TCF4: variants seen among roughly 807,000 people sequenced by gnomAD.
The protein encoded by TCF4 is transcription factor 4, also known as SL3-3 enhancer factor 2.
In TCF4, 3 loss-of-function variants were observed where a neutral mutation model predicts 82.1. The observed-to-expected ratio is 0.04, with a 90% CI of 0.02 to 0.09. The LOEUF is 0.09. Ranked by LOEUF, TCF4 falls within the 10% of genes least tolerant of loss-of-function variation. TCF4 has a pLI of 1.00. For missense variants in TCF4, 518 were observed against 852.7 expected, an observed-to-expected ratio of 0.61 and a Z score of 4.89; for synonymous variants, 276 against 309.6, an observed-to-expected ratio of 0.89 and a Z score of 1.14.
chr18:55,303,351 A>G (rs1037278659), intron 8 of TCF4, among the ~76,000 whole-genome samples: 1 of 151,872 alleles, frequency 6.6e-6, no homozygotes, highest in Non-Finnish European at 1.5e-5. Context: ...TCCCTCCTGA[A>G]AGTTTATATG....
intron 8 of TCF4, among the ~76,000 whole-genome samples, chr18:55,324,331 G>A (rs1476845717): frequency 6.6e-6 from 1 of 152,178 alleles, no homozygotes; most frequent in Non-Finnish European, 1.5e-5. Flanking sequence ...TTGGTTTGCT[G>A]ACCTTGGAGT....
At chr18:55,422,361 C>T (rs2094803735) in intron 5 of TCF4, 1 of 983,980 alleles carries the variant, frequency 1.0e-6, no homozygotes, top group South Asian at 4.7e-5. Flanking sequence ...TTACTATGTA[C>T]ATTTAAATAG....
chr18:55,249,849 G>A (rs986719754), intron 15 of TCF4, among the ~76,000 whole-genome samples: 1 of 152,142 alleles, frequency 6.6e-6, no homozygotes, highest in Non-Finnish European at 1.5e-5. Flanking sequence ...GTTTGATGTG[G>A]GTTTTGTTCT....
At chr18:55,238,471 C>T (rs2050212049) in intron 15 of TCF4, among the ~76,000 whole-genome samples, 1 of 152,166 alleles carries the variant, frequency 6.6e-6, no homozygotes, top group Non-Finnish European at 1.5e-5. Context: ...TGAGAAATAA[C>T]TCAGATGTGG....
intron 5 of TCF4, among the ~76,000 whole-genome samples, chr18:55,448,012 G>A (rs1240423021): frequency 7.4e-6 from 1 of 134,632 alleles, no homozygotes; most frequent in African/African-American, 2.7e-5. Context: ...ATATGGGGGG[G>A]GAGGTGGCTT....
intron 2 of TCF4, among the ~76,000 whole-genome samples, chr18:55,616,727 G>A (rs1272860170): frequency 6.6e-6 from 1 of 151,834 alleles, no homozygotes; most frequent in Non-Finnish European, 1.5e-5. Flanking sequence ...TCATATACCT[G>A]TTGTCCATTT....
chr18:55,528,300 A>T (rs1319818751), intron 3 of TCF4, among the ~76,000 whole-genome samples: 1 of 152,202 alleles, frequency 6.6e-6, no homozygotes, highest in Non-Finnish European at 1.5e-5. Context: ...GGGGGTAAGA[A>T]AATCAATTTC....
chr18:55,345,112 T>G (rs1257158962), intron 8 of TCF4, among the ~76,000 whole-genome samples: 2 of 152,128 alleles, frequency 1.3e-5, no homozygotes, highest in African/African-American at 4.8e-5. Flanking sequence ...GAATGCCTAA[T>G]AGTATGTATG....
At chr18:55,626,302 G>A (rs2147996250) in intron 2 of TCF4, among the ~76,000 whole-genome samples, 1 of 152,214 alleles carries the variant, frequency 6.6e-6, no homozygotes, top group Non-Finnish European at 1.5e-5. Flanking sequence ...CTTACCTGGA[G>A]GTTTCCTTTA....
At chr18:55,584,718 G>GA (rs995787741) in intron 3 of TCF4, among the ~76,000 whole-genome samples, 111 of 147,980 alleles carry the variant, frequency 7.5e-4, no homozygotes, top group African/African-American at 2.4e-3. Flanking sequence ...AATCGTTAGG[G>GA]AAAAAAAAAC....
At chr18:55,460,091 G>A (rs1246919822) in intron 5 of TCF4, among the ~76,000 whole-genome samples, 1 of 152,050 alleles carries the variant, frequency 6.6e-6, no homozygotes, top group Non-Finnish European at 1.5e-5. Context: ...TTGCAGTTAT[G>A]GTCTCAGAAA....
At chr18:55,323,617 T>G (rs2076080825) in intron 8 of TCF4, among the ~76,000 whole-genome samples, 1 of 152,198 alleles carries the variant, frequency 6.6e-6, no homozygotes, top group Non-Finnish European at 1.5e-5. Context: ...CTTTGAGGAT[T>G]TTTTCCTCAT....
intron 8 of TCF4, among the ~76,000 whole-genome samples, chr18:55,318,031 A>C (rs2074573456): frequency 6.6e-6 from 1 of 152,142 alleles, no homozygotes; most frequent in African/African-American, 2.4e-5. Context: ...CAAAAAGAGC[A>C]ATTACAATAA....
At chr18:55,419,208 A>G (rs1331549346) in intron 5 of TCF4, among the ~76,000 whole-genome samples, 2 of 152,206 alleles carry the variant, frequency 1.3e-5, no homozygotes, top group African/African-American at 2.4e-5. Flanking sequence ...AACTTTAATA[A>G]TGTGGACAGA....
rs528788298 is a variant in TCF4 at position 55,624,279 on chromosome 18, C to T, written c.286+7019G>A. ...ATCATTGTATTTGAAGAGACCTCCA[C>T]GAAGAATCAGCAGTTTTTACTGCAA... is the stretch of plus-strand genomic sequence containing the variant. On this transcript the variant is annotated intron_variant, in intron 2 of 20. Coordinates refer to the TCF4 transcript ENST00000398339. Among the ~76,000 whole-genome samples, 33 of 151,828 alleles carry T rather than the reference C, an allele frequency of 2.2e-4. No individual in the cohort carries two copies. The South Asian group carries it at 2.7e-3, about 12-fold the overall frequency.
At chr18:55,370,347 G>A (rs931290071) in intron 6 of TCF4, among the ~76,000 whole-genome samples, 8 of 151,998 alleles carry the variant, frequency 5.3e-5, no homozygotes, top group East Asian at 1.9e-4. Context: ...TCAAGGGGAC[G>A]GTAAGCTCTG....
At chr18:55,406,126 C>CTTTT (rs34522468) in intron 5 of TCF4, among the ~76,000 whole-genome samples, 2 of 116,098 alleles carry the variant, frequency 1.7e-5, no homozygotes, top group African/African-American at 3.2e-5. Flanking sequence ...GGGAGGTGGA[C>CTTTT]TTTTTTTTTT....
At chr18:55,431,654 C>G (rs993443397) in intron 5 of TCF4, among the ~76,000 whole-genome samples, 1 of 152,098 alleles carries the variant, frequency 6.6e-6, no homozygotes, top group African/African-American at 2.4e-5. Context: ...TCTGACTGAA[C>G]GGTGAAGACT....
intron 14 of TCF4, 63 bp from the exon 15 acceptor site, chr18:55,254,763 G>T: frequency 6.7e-7 from 1 of 1,492,522 alleles, no homozygotes; most frequent in Non-Finnish European, 9.2e-7. Context: ...AATTATACAA[G>T]TAAAATTTTA....
Sources: gnomAD v4.1 joint callset for allele counts (sites outside exome capture counted in the v4.1 genomes callset) on GRCh38, gnomAD v4.1.1 for gene constraint, MANE v1.5 for transcripts, NCBI Gene and HGNC (gene_info 2026-07-23, HGNC 2026-07-21) for gene names.